Variants in ITPKC observed in about 807,000 individuals in gnomAD.
The protein encoded by ITPKC is IP3 3-kinase C.
ITPKC carries 33 observed loss-of-function variants against 67.1 expected under a neutral mutation model. The observed-to-expected ratio is 0.49, with a 90% CI of 0.37 to 0.66. The LOEUF (loss-of-function observed/expected upper bound fraction) is 0.66, where lower values mean the gene tolerates loss of function less well. Among genes scored for constraint, ITPKC ranks in the 30% least tolerant of loss-of-function variants. The pLI is 0.00. For synonymous variants in ITPKC, 341 were observed against 359.8 expected, an observed-to-expected ratio of 0.95 and a Z score of 0.59; for missense variants, 820 against 892.1, an observed-to-expected ratio of 0.92 and a Z score of 1.03.
At chr19:40,720,865 G>T (rs993150381) in intron 1 of ITPKC, among the ~76,000 whole-genome samples, 2 of 151,980 alleles carry the variant, frequency 1.3e-5, no homozygotes, top group African/African-American at 4.8e-5. Flanking sequence ...GACCGTAAAG[G>T]CTCAGCTTCC....
chr19:40,734,672 A>C (rs899232133), intron 4 of ITPKC, among the ~76,000 whole-genome samples: 3 of 151,848 alleles, frequency 2.0e-5, no homozygotes, highest in African/African-American at 7.3e-5. Context: ...GCCATGGCAC[A>C]GTCTCAACTA....
At chr19:40,730,454 CAG>C (rs1473399505) in intron 3 of ITPKC, among the ~76,000 whole-genome samples, 1 of 151,990 alleles carries the variant, frequency 6.6e-6, no homozygotes, top group Non-Finnish European at 1.5e-5. Context: ...TTTTTTGAGA[CAG>C]AGTCTCATTC....
chr19:40,725,281 C>A, intron 1 of ITPKC, 59 bp from the exon 2 acceptor site: 1 of 1,138,420 alleles, frequency 8.8e-7, no homozygotes, highest in Non-Finnish European at 1.3e-6. Context: ...ATGGCAGCAC[C>A]TCTAGCCCCT....
intron 1 of ITPKC, among the ~76,000 whole-genome samples, chr19:40,718,599 C>T (rs1477337488): frequency 6.6e-6 from 1 of 152,136 alleles, no homozygotes; most frequent in African/African-American, 2.4e-5. Context: ...AGGAGCCTGC[C>T]GTGCGTGTTC....
Position 40,720,256 on chromosome 19 carries a change from A to C in ITPKC, c.1155+1966A>C, listed in dbSNP as rs1023688572. Among the ~76,000 whole-genome samples, 5 of 151,894 alleles carry C rather than the reference A, an allele frequency of 3.3e-5. No individual in the cohort carries two copies. The East Asian group carries it at 9.7e-4, about 29-fold the overall frequency. On this transcript the variant is annotated intron_variant, in intron 1 of 6. Transcript: ENST00000263370. ...ATGGCGGGCACCTGTAATCCCAGCT[A>C]CTTGGGAGGCTGAGGCAGGAGAATC...
chr19:40,723,057 GT>G (rs1398266253), intron 1 of ITPKC, among the ~76,000 whole-genome samples: 1 of 152,068 alleles, frequency 6.6e-6, no homozygotes, highest in Non-Finnish European at 1.5e-5. Context: ...TGCCTCTCAG[GT>G]TCACACCATT....
intron 1 of ITPKC, among the ~76,000 whole-genome samples, chr19:40,723,434 C>T (rs2082231642): frequency 6.6e-6 from 1 of 151,946 alleles, no homozygotes; most frequent in Non-Finnish European, 1.5e-5. Context: ...TTGTCTACTT[C>T]TGTTCATCTT....
intron 1 of ITPKC, 22 bp from the exon 2 acceptor site, chr19:40,725,318 C>T: frequency 6.4e-7 from 1 of 1,555,434 alleles, no homozygotes; most frequent in South Asian, 1.1e-5. Flanking sequence ...GCCCTGACCC[C>T]ACCCTGCTCT....
chr19:40,737,160 T>C, intron 5 of ITPKC, 73 bp downstream of exon 5: 1 of 1,035,472 alleles, frequency 9.7e-7, no homozygotes, highest in Non-Finnish European at 1.5e-6. Context: ...CCAGAGTCAG[T>C]GGTCTTCTGC....
chr19:40,737,823 T>C lies in ITPKC; in HGVS notation c.1848+54T>C, dbSNP rs1005403493. 1.3e-5 allele frequency: 19 copies of C among 1,445,516 alleles called. No individual in the cohort carries two copies. In the South Asian group the frequency reaches 2.0e-4, roughly 16 times the overall value. 89.5% of individuals were successfully genotyped at this position (1,445,516 alleles called of 1,614,324 possible). ...GTATGGGTGTCGGGGTCCAGGTGCA[T>C]GGAGGGGAAACCATTGATGAGTTAC... On this transcript the variant is annotated intron_variant, in intron 6 of 6. Coordinates refer to ENST00000263370, the MANE Select transcript of ITPKC (RefSeq NM_025194.3).
rs542864236 is a variant in ITPKC, at chr19:40,737,861, T to G, written c.1848+92T>G. 230 of 1,120,394 alleles carry G rather than the reference T, an allele frequency of 2.1e-4. 1 individual carries two copies. The highest frequency in any genetic ancestry group is 1.8e-3 in the Admixed American group (104 of 58,340). 69.4% of individuals were successfully genotyped at this position (1,120,394 alleles called of 1,614,324 possible). ...ATTGATGAGTTACAGGTCAAAGATA[T>G]AAAAAGGGGCTGGGCGTTGTGGCCC... On this transcript the variant is annotated intron_variant, in intron 6 of 6. Coordinates refer to ENST00000263370, the MANE Select transcript of ITPKC (RefSeq NM_025194.3).
intron 3 of ITPKC, among the ~76,000 whole-genome samples, chr19:40,729,760 C>G (rs147823701): frequency 6.6e-6 from 1 of 150,462 alleles, no homozygotes; most frequent in Non-Finnish European, 1.5e-5. Flanking sequence ...AGAGTGGAAC[C>G]CTGTCTCAAA....
rs2082260299 is a variant in ITPKC, at chr19:40,729,381, G to A, written c.1435G>A (p.Gly479Ser). 3.1e-6 allele frequency: 5 copies of A among 1,613,636 alleles called. No homozygotes were observed. In the East Asian group the frequency reaches 1.1e-4, roughly 36 times the overall value. Residue 479 changes from glycine (G) to serine (S), a missense_variant, in exon 3 of 7, where the codon GGC becomes AGC. Physicochemically the swap from Gly to Ser is moderately conservative, Grantham distance 56. Transcript: ENST00000263370. ...QMEDLLADFE[G>S]PSIMDCKMGS... The stretch of plus-strand genomic sequence containing the variant: ...GGAAGACCTCCTGGCTGACTTTGAG[G>A]GCCCCTCCATTATGGACTGCAAGAT...
At chr19:40,729,539 G>C (rs1287792831) in intron 3 of ITPKC, 124 bp downstream of exon 3, 2 of 797,660 alleles carry the variant, frequency 2.5e-6, no homozygotes, top group Non-Finnish European at 4.0e-6. Context: ...GCCGAGGCTG[G>C]TGGATCACCT....
intron 3 of ITPKC, among the ~76,000 whole-genome samples, chr19:40,729,904 T>C (rs1360089932): frequency 6.6e-6 from 1 of 152,228 alleles, no homozygotes; most frequent in Non-Finnish European, 1.5e-5. Context: ...CTGTCTGTTT[T>C]ATTAACTTAA....
intron 4 of ITPKC, among the ~76,000 whole-genome samples, chr19:40,736,703 C>T (rs1347329156): frequency 6.6e-6 from 1 of 152,058 alleles, no homozygotes; most frequent in African/African-American, 2.4e-5. Flanking sequence ...CGGGGTTTCA[C>T]CGTGTTGGCC....
At position 40,739,550 on chromosome 19, in the gene ITPKC, C is replaced by A; in HGVS notation, c.2042C>A (p.Ala681Glu). Residue 681 changes from alanine (A) to glutamate (E), a missense_variant, in exon 7 of 7, where the codon GCA (alanine) becomes GAA (glutamate). Ala to Glu is a moderately radical substitution (Grantham distance 107, BLOSUM62 -1). Coordinates refer to ENST00000263370, the MANE Select transcript of ITPKC (RefSeq NM_025194.3). ...DNMICLLQGL[A>E]QS ...ATGATCTGCCTCCTGCAGGGGCTGG[C>A]ACAGAGCTGAGCTGCTCAGCCACCA... The A allele has an allele frequency of 6.2e-7, 1 of 1,613,060 alleles. No homozygotes were observed. Among genetic ancestry groups the A allele is most frequent in the Non-Finnish European group, 8.5e-7 (1 of 1,179,764 alleles).
intron 2 of ITPKC, among the ~76,000 whole-genome samples, chr19:40,727,732 G>A (rs2082252707): frequency 6.6e-6 from 1 of 152,220 alleles, no homozygotes; most frequent in South Asian, 2.1e-4. Context: ...TACCTTGAAG[G>A]TAAGTGTCTC....
At chr19:40,727,347 TAAATA>T (rs1555762397) in intron 2 of ITPKC, among the ~76,000 whole-genome samples, 2 of 147,968 alleles carry the variant, frequency 1.4e-5, no homozygotes, top group Non-Finnish European at 3.0e-5. Flanking sequence ...AATAAATAAA[TAAATA>T]AAATAAAATA....
Sources: gnomAD v4.1 joint callset for allele counts (sites outside exome capture counted in the v4.1 genomes callset) on GRCh38, gnomAD v4.1.1 for gene constraint, MANE v1.5 for transcripts, NCBI Gene and HGNC (gene_info 2026-07-23, HGNC 2026-07-21) for gene names.